TPM4: variants seen among roughly 807,000 people sequenced by gnomAD.
The protein encoded by TPM4 is tropomyosin alpha-4 chain.
A neutral mutation model predicts 35.8 loss-of-function variants in TPM4; 17 were observed. The ratio of observed to expected loss-of-function variants is 0.47; its 90% CI spans 0.32 to 0.71. The LOEUF (loss-of-function observed/expected upper bound fraction) is 0.71. Among genes scored for constraint, TPM4 ranks in the 30% least tolerant of loss-of-function variants. TPM4 has a pLI of 0.03. For missense variants in TPM4, 240 were observed against 320.9 expected (o/e 0.75, Z 1.93); for synonymous variants, 120 against 122.9 (o/e 0.98, Z 0.15).
chr19:16,077,583 T>G (rs1295103225), intron 1 of TPM4, among the ~76,000 whole-genome samples: 2 of 152,232 alleles, frequency 1.3e-5, no homozygotes, highest in East Asian at 3.9e-4. Context: ...ATTTGGATTC[T>G]GGTCCCATAT....
intron 2 of TPM4, among the ~76,000 whole-genome samples, chr19:16,082,675 CCT>C (rs1249503973): frequency 6.6e-6 from 1 of 151,994 alleles, no homozygotes; most frequent in Non-Finnish European, 1.5e-5. Flanking sequence ...AGCCACAGTG[CCT>C]CTTAGTGTTC....
rs1284550286 is a variant in TPM4, at chr19:16,067,591, G to A, written c.-34G>A. ...TGCCGCAGCCCCCACAGAGCCCGCC[G>A]CGCACCCCACGTCCCCCACGCCAGC... is the stretch of plus-strand genomic sequence containing the variant. On this transcript the variant is annotated 5_prime_UTR_variant, in exon 2 of 3. Transcript: ENST00000589897. This position sits in a 1 kb window ranked among gnomAD's most constrained non-coding sequence, Gnocchi z 4.1. The A allele has an allele frequency of 2.5e-6, 4 of 1,597,338 alleles. No homozygotes were observed. Among genetic ancestry groups the A allele is most frequent in the African/African-American group, 1.3e-5 (1 of 74,378 alleles).
chr19:16,076,797 G>A (rs991435711), intron 1 of TPM4, 100 bp downstream of exon 1: 10 of 1,268,852 alleles, frequency 7.9e-6, no homozygotes, highest in Middle Eastern at 3.0e-4. Flanking sequence ...CGCAGTCCTC[G>A]GGCCGCCTTT....
intron 7 of TPM4, chr19:16,095,153 C>T (rs1568311340): frequency 1.7e-6 from 1 of 597,294 alleles, no homozygotes; most frequent in Non-Finnish European, 2.1e-6. Flanking sequence ...GCTTTGTTTG[C>T]TCACGTGTTT....
Position 16,093,852 on chromosome 19 carries a change from C to A in TPM4, c.664+99C>A, listed in dbSNP as rs555164268. Reference sequence around the variant, plus strand: ...ATGTTTGTGGAGGGGCTGGGTTGGGCTTTGTTTGCCTTAGGAAAGTAAAGC... The same window carrying A: ...ATGTTTGTGGAGGGGCTGGGTTGGGATTTGTTTGCCTTAGGAAAGTAAAGC... On this transcript the variant is annotated intron_variant, in intron 7 of 7. Coordinates refer to ENST00000643579, the MANE Select transcript of TPM4 (RefSeq NM_003290.3). 6.9e-5 allele frequency: 92 copies of A among 1,325,898 alleles called. 1 individual carries two copies. The South Asian group carries it at 1.1e-3, about 17-fold the overall frequency. 82.1% of individuals were successfully genotyped at this position (1,325,898 alleles called of 1,614,324 possible). A position where few individuals can be genotyped will look rare whatever the true frequency, so the allele number is the denominator to read the frequency against.
chr19:16,086,880 C>T (rs887151650), intron 3 of TPM4, among the ~76,000 whole-genome samples: 3 of 152,120 alleles, frequency 2.0e-5, no homozygotes, highest in South Asian at 2.1e-4. Context: ...CCTTTGCCTC[C>T]CTCGATGGCT....
In TPM4 at chr19:16,088,403, G is replaced by A. The variant is rs1346528031; in HGVS notation, c.455+306G>A. ...CCCAGAGAGGATATCTCAGGGGGCT[G>A]TGCCATCTTAACAGAACACTGACCT... On this transcript the variant is annotated intron_variant, in intron 4 of 7. Coordinates refer to ENST00000643579, the MANE Select transcript of TPM4 (RefSeq NM_003290.3). The A allele has an allele frequency of 1.1e-5, 13 of 1,231,888 alleles. No individual in the cohort carries two copies. The East Asian group carries it at 5.7e-4, about 54-fold the overall frequency. The allele number at this position is 1,231,888 out of a possible 1,614,324, so 76.3% of individuals were successfully genotyped here.
At chr19:16,088,153 A>G in intron 4 of TPM4, 56 bp downstream of exon 4, 1 of 1,572,372 alleles carries the variant, frequency 6.4e-7, no homozygotes, top group Non-Finnish European at 8.6e-7. Flanking sequence ...GCGGAGTGGG[A>G]AGGAGCTGGC....
chr19:16,077,941 TA>T (rs1389795568), intron 1 of TPM4: 11 of 353,008 alleles, frequency 3.1e-5, no homozygotes, highest in African/African-American at 8.5e-5. Flanking sequence ...TTTTTTTTTT[TA>T]TTTTGGATTT....
chr19:16,089,944 C>T (rs993520439), intron 5 of TPM4, among the ~76,000 whole-genome samples: 5 of 151,724 alleles, frequency 3.3e-5, no homozygotes, highest in Admixed American at 1.3e-4. Flanking sequence ...CTGCAGCCTT[C>T]GACTCCCAAG....
At chr19:16,079,705 A>AT (rs34366096) in intron 1 of TPM4, 2,083 of 170,648 alleles carry the variant, frequency 0.012, no homozygotes, top group East Asian at 0.04. Context: ...TTTCCTAATA[A>AT]TTTTTTTTTT....
At chr19:16,092,710 A>G (rs887392419) in intron 5 of TPM4, among the ~76,000 whole-genome samples, 1 of 151,838 alleles carries the variant, frequency 6.6e-6, no homozygotes, top group Non-Finnish European at 1.5e-5. Flanking sequence ...TAATTTTTGT[A>G]TTTTTAGTAA....
chr19:16,089,183 G>A, intron 5 of TPM4, 63 bp downstream of exon 5: 1 of 1,601,940 alleles, frequency 6.2e-7, no homozygotes, highest in African/African-American at 1.3e-5. Context: ...TCTCCCGAGG[G>A]ATGCAGGAGC....
chr19:16,092,697 G>C (rs1455339033), intron 5 of TPM4, among the ~76,000 whole-genome samples: 1 of 151,930 alleles, frequency 6.6e-6, no homozygotes, highest in Non-Finnish European at 1.5e-5. Context: ...CACCACACCT[G>C]GCTAATTTTT....
At chr19:16,086,922 G>A (rs1350494904) in intron 3 of TPM4, among the ~76,000 whole-genome samples, 2 of 151,918 alleles carry the variant, frequency 1.3e-5, no homozygotes, top group African/African-American at 4.8e-5. Flanking sequence ...TGTCTGCCTC[G>A]CTCCTCAGGC....
chr19:16,076,718 C>T, intron 1 of TPM4, 21 bp downstream of exon 1: 3 of 1,317,504 alleles, frequency 2.3e-6, no homozygotes, highest in South Asian at 1.9e-5. Flanking sequence ...CGGCCTCGGG[C>T]CCCGCACCCG....
chr19:16,090,046 G>T (rs2090606735), intron 5 of TPM4, among the ~76,000 whole-genome samples: 1 of 151,948 alleles, frequency 6.6e-6, no homozygotes, highest in African/African-American at 2.4e-5. Flanking sequence ...GGCCAGGCTG[G>T]TCTCGAACTC....
At chr19:16,076,000 G>A (rs1242375581), upstream of TPM4, 5 of 1,527,146 alleles carry the variant, frequency 3.3e-6, no homozygotes, top group Non-Finnish European at 4.4e-6. Flanking sequence ...CCTCGGGGAC[G>A]TGACCCCCCC....
At position 16,099,350 on chromosome 19, in the gene TPM4, C is replaced by G. The variant is rs1477442175; in HGVS notation, c.665-1914C>G. Among the ~76,000 whole-genome samples, 4 of 150,652 alleles carry G rather than the reference C, an allele frequency of 2.7e-5. No individual in the cohort carries two copies. In the East Asian group the frequency reaches 7.9e-4, roughly 30 times the overall value. ...TGGTGTCTCATGCCAGTAATCCCAG[C>G]ACTTTGGGAGGCCGAGGTGGGTGGA... On this transcript the variant is annotated intron_variant, in intron 7 of 7. Transcript: ENST00000643579.
Sources: gnomAD v4.1 joint callset for allele counts (sites outside exome capture counted in the v4.1 genomes callset) on GRCh38, gnomAD v4.1.1 for gene constraint, Gnocchi (gnomAD v3.1) non-coding constraint, MANE v1.5 for transcripts, NCBI Gene and HGNC (gene_info 2026-07-23, HGNC 2026-07-21) for gene names.